RECQL: variants seen among roughly 807,000 people sequenced by gnomAD.
The protein encoded by RECQL is ATP-dependent DNA helicase Q1.
RECQL carries 73 observed loss-of-function variants against 75.8 expected under a neutral mutation model. The ratio of observed to expected loss-of-function variants is 0.96; its 90% confidence interval spans 0.80 to 1.17. The LOEUF is 1.17. RECQL is among the 50% of genes most tolerant of loss of function. The pLI, the probability that RECQL is intolerant of heterozygous loss-of-function variation, is 0.00. For missense variants in RECQL, 699 were observed against 772.1 expected, an observed-to-expected ratio of 0.91 and a Z score of 1.12; for synonymous variants, 248 against 254.4, an observed-to-expected ratio of 0.97 and a Z score of 0.24.
At chr12:21,499,454 A>T in intron 2 of RECQL, 101 bp downstream of exon 2, 1 of 1,145,092 alleles carries the variant, frequency 8.7e-7, no homozygotes, top group South Asian at 1.5e-5. Context: ...AGCTGAAAAA[A>T]ATCATTTCTA....
At chr12:21,494,841 G>A (rs1423685985) in intron 2 of RECQL, among the ~76,000 whole-genome samples, 1 of 152,178 alleles carries the variant, frequency 6.6e-6, no homozygotes, top group Non-Finnish European at 1.5e-5. Flanking sequence ...GAATGACAGT[G>A]GGAAATATCA....
In RECQL at chr12:21,470,361, A is replaced by C. The variant is rs1565560193; in HGVS notation, c.1798-15T>G. On this transcript the variant is annotated splice_polypyrimidine_tract_variant and intron_variant, in intron 14 of 14. Transcript: ENST00000444129. The stretch of plus-strand genomic sequence containing the variant: ...GACGATTCAGCCTACAAAAAAAAAA[A>C]AAAAACAAAGCAAGCACCTTGGTAA... The C allele has an allele frequency of 3.2e-6, 5 of 1,539,464 alleles. No individual in the cohort carries two copies. Among genetic ancestry groups the C allele is most frequent in the Middle Eastern group, 1.7e-4 (1 of 5,726 alleles).
In RECQL at chr12:21,471,564, T is replaced by G; in HGVS notation, c.1531A>C (p.Thr511Pro). The G allele has an allele frequency of 6.2e-7, 1 of 1,612,708 alleles. No individual in the cohort carries two copies. The highest frequency in any genetic ancestry group is 8.5e-7 in the Non-Finnish European group (1 of 1,179,238). Residue 511 changes from threonine (T) to proline (P), a missense_variant, in exon 13 of 15, where the codon ACT becomes CCT. By Grantham distance (38) the Thr-to-Pro change is conservative. This residue lies in a region of RECQL where 669 missense variants were observed against 713.5 expected (regional missense o/e 0.94). Coordinates refer to ENST00000444129, the MANE Select transcript of RECQL (RefSeq NM_002907.4). ...KQAEELNEKL[T>P]PLKLIDSWMG... The stretch of plus-strand genomic sequence containing the variant: ...CAAGAATCAATCAGTTTCAATGGAG[T>G]GAGTTTTTCATTCAGTTCCTCTGCC...
chr12:21,478,180 GA>G (rs1943122901), intron 6 of RECQL, among the ~76,000 whole-genome samples: 1 of 152,090 alleles, frequency 6.6e-6, no homozygotes. Flanking sequence ...GTGGACTCAA[GA>G]GACAGTGGGT....
At chr12:21,473,483 A>G in intron 12 of RECQL, 68 bp downstream of exon 12, 1 of 1,190,328 alleles carries the variant, frequency 8.4e-7, no homozygotes, top group East Asian at 2.4e-5. Context: ...CATTTCTCAG[A>G]ACGTATCTCT....
At chr12:21,482,779 A>C (rs1943216919) in intron 6 of RECQL, among the ~76,000 whole-genome samples, 1 of 152,228 alleles carries the variant, frequency 6.6e-6, no homozygotes, top group Non-Finnish European at 1.5e-5. Flanking sequence ...GGTTGAAGCC[A>C]GGGAGTCGGA....
chr12:21,490,125 A>G (rs1022757100), intron 4 of RECQL, 74 bp downstream of exon 4: 1 of 769,836 alleles, frequency 1.3e-6, no homozygotes, highest in African/African-American at 1.8e-5. Context: ...ATTATAAATT[A>G]TTTTTTAAAA....
chr12:21,479,765 A>G (rs1943158312), intron 6 of RECQL, among the ~76,000 whole-genome samples: 1 of 152,226 alleles, frequency 6.6e-6, no homozygotes, highest in African/African-American at 2.4e-5. Context: ...AGATGGCAGT[A>G]ACAGACCAGA....
At chr12:21,475,379 G>C in intron 10 of RECQL, 89 bp downstream of exon 10, 1 of 824,888 alleles carries the variant, frequency 1.2e-6, no homozygotes, top group Admixed American at 2.4e-5. Context: ...ATCCAATAAA[G>C]ATAAAACATA....
chr12:21,496,549 C>A (rs1943512155), intron 2 of RECQL, among the ~76,000 whole-genome samples: 1 of 152,192 alleles, frequency 6.6e-6, no homozygotes, highest in Non-Finnish European at 1.5e-5. Flanking sequence ...TGATATCATG[C>A]TTGTCTGACC....
chr12:21,481,717 G>A (rs1286746712), intron 6 of RECQL, among the ~76,000 whole-genome samples: 3 of 152,130 alleles, frequency 2.0e-5, no homozygotes, highest in South Asian at 2.1e-4. Context: ...CTGGAGAAAC[G>A]TAAGAAAGGG....
intron 6 of RECQL, among the ~76,000 whole-genome samples, chr12:21,479,034 T>C (rs1943141139): frequency 6.6e-6 from 1 of 152,150 alleles, no homozygotes; most frequent in South Asian, 2.1e-4. Flanking sequence ...CCACTGTACA[T>C]GCCAGCTGCA....
At chr12:21,492,083 T>C (rs1943426090) in intron 2 of RECQL, among the ~76,000 whole-genome samples, 1 of 152,260 alleles carries the variant, frequency 6.6e-6, no homozygotes. Flanking sequence ...TATTATGTTG[T>C]AGAGAAGTGG....
chr12:21,491,494 CAAAAAAAA>C lies in RECQL; in HGVS notation c.214+17_214+24del. The C allele has an allele frequency of 1.1e-5, 15 of 1,322,966 alleles. No individual in the cohort carries two copies. Among genetic ancestry groups the C allele is most frequent in the Non-Finnish European group, 1.5e-5 (15 of 1,019,166 alleles). 82.0% of individuals were successfully genotyped at this position (1,322,966 alleles called of 1,614,324 possible). A position where few individuals can be genotyped will look rare whatever the true frequency, so the allele number is the denominator to read the frequency against. ...AAAATATGAGAAGAAATAAAACTAG[CAAAAAAAA>C]AAAAAAAAAAGTTAACCTTCTTTAT... is the stretch of plus-strand genomic sequence containing the variant. On this transcript the variant is annotated intron_variant, in intron 3 of 14. Transcript: ENST00000444129.
At position 21,486,656 on chromosome 12, in the gene RECQL, C is replaced by CCTTTTTTTTTTTTTTTTTT. The variant is rs1565571187; in HGVS notation, c.395-72_395-71insAAAAAAAAAAAAAAAAAAG. ...CTCAGAATCAGATGCAAACCATTCACGTTTTTTTTTTTTTTTTTTTTTTTT... is the reference window on the plus strand; with the variant it reads ...CTCAGAATCAGATGCAAACCATTCACCTTTTTTTTTTTTTTTTTTGTTTTTTTTTTTTTTTTTTTTTTTT... On this transcript the variant is annotated intron_variant, in intron 4 of 14. Coordinates refer to ENST00000444129, the MANE Select transcript of RECQL (RefSeq NM_002907.4). The CCTTTTTTTTTTTTTTTTTT allele has an allele frequency of 2.8e-5, 4 of 141,734 alleles. 2 individuals are homozygous for CCTTTTTTTTTTTTTTTTTT. The allele number at this position is 141,734 out of a possible 1,614,324, so 8.8% of individuals were successfully genotyped here.
intron 5 of RECQL, 131 bp downstream of exon 5, chr12:21,486,348 A>G (rs1591984446): frequency 8.4e-7 from 1 of 1,191,702 alleles, no homozygotes; most frequent in East Asian, 2.9e-5. Context: ...AGAACTGGCC[A>G]AGAGCAGTAG....
intron 6 of RECQL, among the ~76,000 whole-genome samples, chr12:21,481,110 C>A (rs1382894443): frequency 2.6e-5 from 4 of 152,116 alleles, no homozygotes; most frequent in Non-Finnish European, 4.4e-5. Flanking sequence ...CTTCAGCAAA[C>A]ATGTGAGTGA....
rs572762751 is a variant in RECQL, at chr12:21,477,220, T to A, written c.868-228A>T. Among the ~76,000 whole-genome samples the A allele has an allele frequency of 2.0e-5, 3 of 152,268 alleles. No homozygotes were observed. In the South Asian group the frequency reaches 6.2e-4, roughly 32 times the overall value. ...CAGAGAAGAGCAAGCACATGAGCAG[T>A]GAATAACTTGCAAGGATGCAGACTT... is the stretch of plus-strand genomic sequence containing the variant. On this transcript the variant is annotated intron_variant, in intron 7 of 14. Coordinates refer to ENST00000444129, the MANE Select transcript of RECQL (RefSeq NM_002907.4).
chr12:21,486,829 C>T (rs1943315145), intron 4 of RECQL, among the ~76,000 whole-genome samples: 1 of 151,842 alleles, frequency 6.6e-6, no homozygotes. Flanking sequence ...TGCTGCCATG[C>T]CTGGCTAATT....
Sources: gnomAD v4.1 joint callset for allele counts (sites outside exome capture counted in the v4.1 genomes callset) on GRCh38, gnomAD v4.1.1 for gene constraint, gnomAD v4.1.1 regional missense constraint, MANE v1.5 for transcripts, NCBI Gene and HGNC (gene_info 2026-07-23, HGNC 2026-07-21) for gene names.